DHRSX: variants seen among roughly 807,000 people sequenced by gnomAD.
DHRSX encodes polyprenol dehydrogenase.
DHRSX carries 31 observed loss-of-function variants against 34.0 expected under a neutral mutation model. The ratio of observed to expected loss-of-function variants is 0.91; its 90% CI spans 0.69 to 1.23. The LOEUF (loss-of-function observed/expected upper bound fraction) is 1.23. DHRSX is among the 50% of genes most tolerant of loss of function. The probability of loss-of-function intolerance (pLI) is 0.00; values close to 1 mark genes in which losing one functional copy is unlikely to be tolerated. For missense variants in DHRSX, 414 were observed against 428.1 expected (o/e 0.97, Z 0.29); for synonymous variants, 201 against 183.8 (o/e 1.09, Z -0.76).
intron 5 of DHRSX, among the ~76,000 whole-genome samples, chrX:2,247,856 T>C: frequency 6.6e-6 from 1 of 152,244 alleles, no homozygotes. Context: ...CAGACCCATT[T>C]CGCCCCAAGG....
At chrX:2,387,115 A>G (rs2043281423) in intron 3 of DHRSX, among the ~76,000 whole-genome samples, 1 of 152,152 alleles carries the variant, frequency 6.6e-6, no homozygotes, top group Admixed American at 6.6e-5. Context: ...TTATTTATAA[A>G]ACATTTTTGT....
intron 5 of DHRSX, among the ~76,000 whole-genome samples, chrX:2,253,012 C>G (rs1345545244): frequency 6.6e-6 from 1 of 152,190 alleles, no homozygotes; most frequent in Non-Finnish European, 1.5e-5. Flanking sequence ...ATAGTAAGAC[C>G]TTATCTCTAC....
At chrX:2,315,386 G>GA (rs747814162) in intron 3 of DHRSX, among the ~76,000 whole-genome samples, 19 of 152,208 alleles carry the variant, frequency 1.2e-4, no homozygotes, top group African/African-American at 4.6e-4. Flanking sequence ...TTTATGAGAT[G>GA]AAAAGATTTC....
chrX:2,221,272 G>A, intron 6 of DHRSX, 43 bp from the exon 7 acceptor site: 1 of 1,591,664 alleles, frequency 6.3e-7, no homozygotes, highest in East Asian at 2.2e-5. Flanking sequence ...TCAAATTTCT[G>A]AGCAGGAAAC....
intron 3 of DHRSX, among the ~76,000 whole-genome samples, chrX:2,310,289 C>T: frequency 6.6e-6 from 1 of 152,218 alleles, no homozygotes; most frequent in South Asian, 2.1e-4. Context: ...AGGGAAGGAA[C>T]CCAGGTGCCC....
At chrX:2,287,987 G>A (rs1250981779) in intron 4 of DHRSX, among the ~76,000 whole-genome samples, 4 of 152,142 alleles carry the variant, frequency 2.6e-5, no homozygotes, top group East Asian at 1.9e-4. Context: ...TGACTTTCAC[G>A]GCAAAAGGGC....
intron 3 of DHRSX, among the ~76,000 whole-genome samples, chrX:2,306,437 C>T (rs1361951971): frequency 6.6e-6 from 1 of 151,660 alleles, no homozygotes; most frequent in African/African-American, 2.4e-5. Context: ...GGAATGAAGC[C>T]CACAATTAAG....
intron 3 of DHRSX, among the ~76,000 whole-genome samples, chrX:2,357,875 G>A (rs950538361): frequency 9.2e-5 from 14 of 152,038 alleles, no homozygotes; most frequent in African/African-American, 3.4e-4. Context: ...TTATGAAATG[G>A]AAAATAGAGA....
chrX:2,442,043 C>T (rs781350179), intron 1 of DHRSX, among the ~76,000 whole-genome samples: 1 of 152,272 alleles, frequency 6.6e-6, no homozygotes, highest in African/African-American at 2.4e-5. Context: ...CACTGTCAAT[C>T]AACATGTATT....
intron 5 of DHRSX, among the ~76,000 whole-genome samples, chrX:2,251,713 T>C (rs2016438163): frequency 1.3e-5 from 2 of 152,194 alleles, no homozygotes; most frequent in Admixed American, 6.6e-5. Flanking sequence ...GCTATTTCTT[T>C]ATGGCACTGG....
chrX:2,467,166 G>T (rs2044509646), intron 1 of DHRSX, among the ~76,000 whole-genome samples: 1 of 151,740 alleles, frequency 6.6e-6, no homozygotes, highest in Non-Finnish European at 1.5e-5. Context: ...TAGTGTCTTA[G>T]GAAATCAGGG....
At position 2,221,047 on chromosome X, in the gene DHRSX, G is replaced by T. The variant is rs779330851; in HGVS notation, c.987C>A (p.Thr329=). 1 of 1,613,700 alleles carries T rather than the reference G, an allele frequency of 6.2e-7. No homozygotes were observed. Residue 329 remains threonine (T), a synonymous_variant, in exon 7 of 7, where the codon ACC becomes ACA. Coordinates refer to ENST00000334651, the MANE Select transcript of DHRSX (RefSeq NM_145177.3). The part of the protein sequence containing the change: ...SCEMTGVLDV[T]L ...GCTATCCTGAGACAGGATATCACAGGGTCACATCAAGGACCCCAGTCATCT... is the reference window on the plus strand; with the variant it reads ...GCTATCCTGAGACAGGATATCACAGTGTCACATCAAGGACCCCAGTCATCT...
chrX:2,269,147 T>C (rs190495664), intron 4 of DHRSX, among the ~76,000 whole-genome samples: 3 of 152,396 alleles, frequency 2.0e-5, no homozygotes, highest in South Asian at 4.1e-4. Context: ...GAGCTATCTA[T>C]ACATATATGT....
chrX:2,344,918 GTATT>G (rs1352384338), intron 3 of DHRSX, among the ~76,000 whole-genome samples: 15 of 120,158 alleles, frequency 1.2e-4, no homozygotes, highest in Admixed American at 3.5e-4. Flanking sequence ...TATATATACT[GTATT>G]TATTTAATAA....
rs1490375008 is a variant in DHRSX, at chrX:2,336,905, G to A, written c.287-45302C>T. Among the ~76,000 whole-genome samples, 7 of 152,006 alleles carry A rather than the reference G, an allele frequency of 4.6e-5. No individual in the cohort carries two copies. The East Asian group carries it at 1.3e-3, about 29-fold the overall frequency. On this transcript the variant is annotated intron_variant, in intron 3 of 6. Transcript: ENST00000334651. ...GCAAGATACATATGCAGAACATGCA[G>A]GTTTGTTACATAGGTATACATGTGC...
At chrX:2,313,283 C>G in intron 3 of DHRSX, among the ~76,000 whole-genome samples, 1 of 152,138 alleles carries the variant, frequency 6.6e-6, no homozygotes, top group East Asian at 1.9e-4. Context: ...GCTGGGATTA[C>G]AGGCATGAGC....
At chrX:2,400,561 C>T (rs1387073128) in intron 3 of DHRSX, among the ~76,000 whole-genome samples, 4 of 152,180 alleles carry the variant, frequency 2.6e-5, no homozygotes, top group Non-Finnish European at 4.4e-5. Context: ...TCGGGAGCCA[C>T]TGTGTTTCAG....
At chrX:2,345,864 AC>A (rs1192407120) in intron 3 of DHRSX, among the ~76,000 whole-genome samples, 3 of 152,090 alleles carry the variant, frequency 2.0e-5, no homozygotes, top group Non-Finnish European at 4.4e-5. Flanking sequence ...TGGCTGGTCT[AC>A]CCCATACATC....
chrX:2,425,569 G>A (rs6642112), intron 1 of DHRSX, among the ~76,000 whole-genome samples: 1,637 of 152,270 alleles, frequency 0.011, 16 homozygotes, highest in East Asian at 0.069. Flanking sequence ...GCAATATGCC[G>A]TCAGTGTGAC....
Sources: allele counts gnomAD v4.1 joint callset (sites outside exome capture counted in the v4.1 genomes callset), GRCh38; gene constraint gnomAD v4.1.1; transcripts MANE v1.5; gene names NCBI Gene and HGNC (gene_info 2026-07-23, HGNC 2026-07-21).